ANKRD11: variants seen among roughly 807,000 people sequenced by gnomAD.
ANKRD11 encodes ankyrin repeat domain 11, also known as ankyrin repeat domain-containing protein 11.
Under a neutral mutation model 195.7 loss-of-function variants are expected in ANKRD11, and 17 were observed. The ratio of observed to expected loss-of-function variants is 0.09; its 90% CI spans 0.06 to 0.13. ANKRD11 has a LOEUF of 0.13. Ranked by LOEUF, ANKRD11 falls within the 10% of genes least tolerant of loss-of-function variation. The probability of loss-of-function intolerance (pLI) is 1.00; values close to 1 mark genes in which losing one functional copy is unlikely to be tolerated. For synonymous variants in ANKRD11, 1,953 were observed against 1,528.1 expected (o/e 1.28, Z -6.49); for missense variants, 3,735 against 3,566.1 (o/e 1.05, Z -1.21).
chr16:89,479,266 CAAAA>C (rs899920145), intron 1 of ANKRD11, among the ~76,000 whole-genome samples: 15 of 149,898 alleles, frequency 1.0e-4, no homozygotes, highest in Admixed American at 1.3e-4. Context: ...CAAACAAAAA[CAAAA>C]AAAGGAAAAA....
intron 2 of ANKRD11, among the ~76,000 whole-genome samples, chr16:89,413,411 G>A (rs910124094): frequency 1.3e-5 from 2 of 152,142 alleles, no homozygotes. Flanking sequence ...AGATCACGAG[G>A]TCAGGAGACC....
At chr16:89,387,260 G>A (rs1392308176) in intron 2 of ANKRD11, among the ~76,000 whole-genome samples, 2 of 152,032 alleles carry the variant, frequency 1.3e-5, no homozygotes, top group African/African-American at 2.4e-5. Context: ...TCAAGGGAGA[G>A]GCCTGAATGG....
chr16:89,326,981 CAATGCAGAGGTGGGGAATGCAGAGGGGG>C (rs2037762104), intron 2 of ANKRD11, among the ~76,000 whole-genome samples: 11 of 149,224 alleles, frequency 7.4e-5, no homozygotes, highest in African/African-American at 2.7e-4. Context: ...GTCCACTGGG[CAATGCAGAGGTGGGGAATGCAGAGGGGG>C]AATGCAGAGG....
chr16:89,407,668 T>C (rs964071372), intron 2 of ANKRD11, among the ~76,000 whole-genome samples: 9 of 150,808 alleles, frequency 6.0e-5, no homozygotes, highest in South Asian at 4.2e-4. Flanking sequence ...CAAACACACA[T>C]ACACACACAC....
intron 2 of ANKRD11, among the ~76,000 whole-genome samples, chr16:89,397,193 G>A (rs2041476523): frequency 2.0e-5 from 3 of 152,122 alleles, no homozygotes; most frequent in South Asian, 2.1e-4. Context: ...GTCCAACGGC[G>A]TCTCACAGTC....
intron 1 of ANKRD11, among the ~76,000 whole-genome samples, chr16:89,429,030 G>C (rs1260081873): frequency 6.6e-6 from 1 of 152,200 alleles, no homozygotes; most frequent in Non-Finnish European, 1.5e-5. Context: ...AATGGGGGTT[G>C]GGGGGAGGGA....
At chr16:89,324,466 G>C (rs2037571319) in intron 2 of ANKRD11, 3 of 457,414 alleles carry the variant, frequency 6.6e-6, no homozygotes, top group South Asian at 3.1e-5. Context: ...GTTTCAACTT[G>C]ACTGGACTAA....
At chr16:89,457,251 G>A (rs1279888346) in intron 1 of ANKRD11, among the ~76,000 whole-genome samples, 4 of 148,238 alleles carry the variant, frequency 2.7e-5, no homozygotes, top group South Asian at 2.3e-4. Flanking sequence ...GAGCCACCGC[G>A]CCCGGCCGAG....
intron 1 of ANKRD11, among the ~76,000 whole-genome samples, chr16:89,434,681 G>C (rs1308512341): frequency 6.6e-6 from 1 of 152,218 alleles, no homozygotes; most frequent in Non-Finnish European, 1.5e-5. Flanking sequence ...TGGCGTGTGG[G>C]ATGGGCAGAG....
At chr16:89,394,190 C>T (rs190000324) in intron 2 of ANKRD11, among the ~76,000 whole-genome samples, 1 of 151,898 alleles carries the variant, frequency 6.6e-6, no homozygotes, top group Admixed American at 6.5e-5. Context: ...GTGGCAGGAG[C>T]CTCTGACCTG....
At chr16:89,333,039 G>A (rs1447423427) in intron 2 of ANKRD11, among the ~76,000 whole-genome samples, 1 of 152,132 alleles carries the variant, frequency 6.6e-6, no homozygotes, top group Non-Finnish European at 1.5e-5. Flanking sequence ...GAGTGACAGG[G>A]AACCCCCAGG....
intron 4 of ANKRD11, among the ~76,000 whole-genome samples, chr16:89,303,513 C>T (rs768422980): frequency 3.3e-5 from 5 of 152,230 alleles, no homozygotes; most frequent in East Asian, 1.9e-4. Context: ...CGGAGCTGTC[C>T]GCTGCTGGGA....
intron 1 of ANKRD11, among the ~76,000 whole-genome samples, chr16:89,485,074 C>G (rs988047162): frequency 4.3e-5 from 5 of 115,102 alleles, no homozygotes; most frequent in African/African-American, 1.1e-4. Context: ...TTTCACTCAA[C>G]AGGATTCGGT....
chr16:89,460,204 C>T (rs190992468), intron 1 of ANKRD11, among the ~76,000 whole-genome samples: 4 of 152,132 alleles, frequency 2.6e-5, no homozygotes, highest in Non-Finnish European at 4.4e-5. Flanking sequence ...CGCCACTGCA[C>T]TCCAGCCTGG....
At chr16:89,295,146 G>C (rs923312609) in intron 4 of ANKRD11, among the ~76,000 whole-genome samples, 1 of 152,210 alleles carries the variant, frequency 6.6e-6, no homozygotes, top group African/African-American at 2.4e-5. Flanking sequence ...ACCCCGGGGT[G>C]GGGGTGGGAG....
rs546350489 is a variant in ANKRD11 at position 89,326,914 on chromosome 16, A to G, written c.-59-9836T>C. On this transcript the variant is annotated intron_variant, in intron 2 of 12. Transcript: ENST00000301030. Reference sequence around the variant, plus strand: ...GCACGTGGGGCTGACAGGACTAAGGAGGTTCCACAGACACACGACCAGGCG... The same window carrying G: ...GCACGTGGGGCTGACAGGACTAAGGGGGTTCCACAGACACACGACCAGGCG... Among the ~76,000 whole-genome samples, 10 of 152,328 alleles carry G rather than the reference A, an allele frequency of 6.6e-5. No homozygotes were observed. The South Asian group carries it at 2.1e-3, about 32-fold the overall frequency.
Position 89,282,000 on chromosome 16 carries a change from G to A in ANKRD11, c.4542C>T (p.Leu1514=). The A allele has an allele frequency of 6.2e-7, 1 of 1,613,062 alleles. No homozygotes were observed. Among genetic ancestry groups the A allele is most frequent in the African/African-American group, 1.3e-5 (1 of 74,988 alleles). The change falls in exon 9 of 13, where the codon CTC becomes CTT. Residue 1514 remains leucine, a synonymous_variant. Transcript: ENST00000301030. The surrounding 1 kb of genome is among the most constrained non-coding windows in gnomAD (Gnocchi z 5.5). The part of the protein sequence containing the change: ...TRDKDSPPRV[L]KDKSRDEGPR... Reference sequence around the variant, plus strand: ...GGCCCTCGTCCCTGGACTTGTCTTTGAGCACGCGGGGCGGGCTGTCCTTGT... The same window carrying A: ...GGCCCTCGTCCCTGGACTTGTCTTTAAGCACGCGGGGCGGGCTGTCCTTGT...
At chr16:89,444,460 G>C (rs892975900) in intron 1 of ANKRD11, among the ~76,000 whole-genome samples, 1 of 151,922 alleles carries the variant, frequency 6.6e-6, no homozygotes, top group Non-Finnish European at 1.5e-5. Flanking sequence ...GGGGCGGTCG[G>C]GGGGGTGGAG....
At chr16:89,408,321 A>T (rs1207522713) in intron 2 of ANKRD11, among the ~76,000 whole-genome samples, 1 of 152,226 alleles carries the variant, frequency 6.6e-6, no homozygotes, top group Non-Finnish European at 1.5e-5. Context: ...AGACATGGTG[A>T]CCAGGACAAA....
Sources: allele counts gnomAD v4.1 joint callset (sites outside exome capture counted in the v4.1 genomes callset), GRCh38; gene constraint gnomAD v4.1.1; non-coding constraint Gnocchi (gnomAD v3.1); transcripts MANE v1.5; gene names NCBI Gene and HGNC (gene_info 2026-07-23, HGNC 2026-07-21).